CACNA2D3: variants seen among roughly 807,000 people sequenced by gnomAD.
CACNA2D3 encodes the protein voltage-dependent calcium channel subunit alpha-2/delta-3.
In CACNA2D3, 60 loss-of-function variants were observed where a neutral mutation model predicts 160.6. The observed-to-expected ratio is 0.37, with a 90% CI of 0.30 to 0.46. The LOEUF is 0.46. Ranked by LOEUF, CACNA2D3 falls within the 20% of genes least tolerant of loss-of-function variation. The pLI, the probability that CACNA2D3 is intolerant of heterozygous loss-of-function variation, is 1.00. For synonymous variants in CACNA2D3, 558 were observed against 492.9 expected, an observed-to-expected ratio of 1.13 and a Z score of -1.75; for missense variants, 1,205 against 1,365.0, an observed-to-expected ratio of 0.88 and a Z score of 1.85.
At chr3:55,044,689 C>T (rs540149711) in intron 35 of CACNA2D3, among the ~76,000 whole-genome samples, 33 of 152,044 alleles carry the variant, frequency 2.2e-4, no homozygotes, top group African/African-American at 7.7e-4. Context: ...TGGCCATGTT[C>T]CCAGTTTTAG....
chr3:54,718,558 ACT>A (rs1701107166), intron 11 of CACNA2D3, among the ~76,000 whole-genome samples: 1 of 150,724 alleles, frequency 6.6e-6, no homozygotes, highest in South Asian at 2.1e-4. Flanking sequence ...TTATGTTTGT[ACT>A]CTGTTTTAAT....
chr3:54,518,912 A>T (rs1008833945), intron 5 of CACNA2D3, among the ~76,000 whole-genome samples: 1 of 130,668 alleles, frequency 7.7e-6, no homozygotes, highest in Admixed American at 8.0e-5. Flanking sequence ...TTAGTAGCTA[A>T]TGTGAGGAAT....
chr3:54,212,526 G>A lies in CACNA2D3; in HGVS notation c.204+88932G>A, dbSNP rs565016055. ...TAGATGAAGCCTCTAAGTAGCAGGC[G>A]TCAGAGAGAATAGATTGTAAATGTT... On this transcript the variant is annotated intron_variant, in intron 2 of 37. Coordinates refer to ENST00000474759, the MANE Select transcript of CACNA2D3 (RefSeq NM_018398.3). Among the ~76,000 whole-genome samples, 501 of 152,278 alleles carry A rather than the reference G, an allele frequency of 3.3e-3. 1 individual carries two copies. The highest frequency in any genetic ancestry group is 0.011 in the African/African-American group (476 of 41,538).
intron 11 of CACNA2D3, among the ~76,000 whole-genome samples, chr3:54,744,971 C>G (rs992517262): frequency 2.0e-5 from 3 of 152,332 alleles, no homozygotes; most frequent in South Asian, 4.1e-4. Flanking sequence ...TTGAACCCAC[C>G]TGGAACAAAT....
At chr3:54,883,326 T>C (rs1699845525) in intron 21 of CACNA2D3, among the ~76,000 whole-genome samples, 1 of 152,194 alleles carries the variant, frequency 6.6e-6, no homozygotes, top group Non-Finnish European at 1.5e-5. Flanking sequence ...CTGGCCACTT[T>C]GTATCTTTTA....
At chr3:54,798,399 G>A (rs988070698) in intron 13 of CACNA2D3, among the ~76,000 whole-genome samples, 38 of 152,160 alleles carry the variant, frequency 2.5e-4, no homozygotes, top group African/African-American at 6.7e-4. Context: ...AGCCAGGCGC[G>A]TTGGCATGTA....
intron 25 of CACNA2D3, among the ~76,000 whole-genome samples, chr3:54,893,004 A>G (rs562213687): frequency 6.6e-6 from 1 of 152,338 alleles, no homozygotes; most frequent in African/African-American, 2.4e-5. Context: ...AGCTGGGCAC[A>G]GTGACTCATG....
chr3:54,233,557 C>CA lies in CACNA2D3; in HGVS notation c.205-86883dup, dbSNP rs1415502697. 2.0e-5 allele frequency among the ~76,000 whole-genome samples: 3 copies of CA among 152,342 alleles called. No homozygotes were observed. The East Asian group carries it at 5.8e-4, about 29-fold the overall frequency. Reference sequence around the variant, plus strand: ...CCTTCCACACCATTGGAAACACATCCAATGACATAGCACTGGTGAAGTGGC... The same window carrying CA: ...CCTTCCACACCATTGGAAACACATCCAAATGACATAGCACTGGTGAAGTGGC... On this transcript the variant is annotated intron_variant, in intron 2 of 37. Coordinates refer to ENST00000474759, the MANE Select transcript of CACNA2D3 (RefSeq NM_018398.3).
intron 26 of CACNA2D3, among the ~76,000 whole-genome samples, chr3:54,898,294 C>T (rs1251574245): frequency 2.0e-5 from 3 of 149,602 alleles, no homozygotes; most frequent in Non-Finnish European, 4.4e-5. Flanking sequence ...ATGATCTTGG[C>T]TCATTGCAAC....
At chr3:54,377,279 C>G (rs905728403) in intron 3 of CACNA2D3, among the ~76,000 whole-genome samples, 6 of 152,122 alleles carry the variant, frequency 3.9e-5, no homozygotes, top group Non-Finnish European at 1.5e-5. Flanking sequence ...TTCTGAAAAC[C>G]CGCCCTTAAG....
At chr3:54,288,952 C>T (rs1575371686) in intron 2 of CACNA2D3, among the ~76,000 whole-genome samples, 3 of 152,288 alleles carry the variant, frequency 2.0e-5, no homozygotes, top group East Asian at 1.9e-4. Context: ...GACAAACCCA[C>T]AGCCAATATC....
intron 11 of CACNA2D3, among the ~76,000 whole-genome samples, chr3:54,735,325 T>TA (rs1301959365): frequency 1.3e-5 from 2 of 152,174 alleles, no homozygotes; most frequent in Non-Finnish European, 2.9e-5. Context: ...ATATCTCAGA[T>TA]ACCCACAATC....
At chr3:54,891,498 G>A (rs376663594) in intron 25 of CACNA2D3, 48 bp downstream of exon 25, 658 of 1,365,702 alleles carry the variant, frequency 4.8e-4, no homozygotes, top group Non-Finnish European at 5.9e-4. Context: ...TTCTGAAATG[G>A]AACATTCAAA....
chr3:55,032,325 A>G (rs1703704207), intron 35 of CACNA2D3, among the ~76,000 whole-genome samples: 1 of 152,228 alleles, frequency 6.6e-6, no homozygotes, highest in Admixed American at 6.5e-5. Flanking sequence ...TCATCTCAAA[A>G]TCAGGGTTTG....
intron 9 of CACNA2D3, among the ~76,000 whole-genome samples, chr3:54,608,118 A>G (rs920043814): frequency 1.3e-5 from 2 of 152,178 alleles, no homozygotes; most frequent in African/African-American, 2.4e-5. Flanking sequence ...TTGTGATAAA[A>G]TTTCATAAAA....
chr3:54,605,485 C>A (rs948505131), intron 9 of CACNA2D3, among the ~76,000 whole-genome samples: 3 of 152,182 alleles, frequency 2.0e-5, no homozygotes, highest in Admixed American at 6.5e-5. Context: ...GGACTTGCCT[C>A]GAATGCTACC....
intron 9 of CACNA2D3, among the ~76,000 whole-genome samples, chr3:54,593,738 C>G (rs764554859): frequency 6.6e-5 from 10 of 152,022 alleles, no homozygotes; most frequent in Non-Finnish European, 1.5e-4. Context: ...TGTGCTTATC[C>G]CTTGATAAGC....
intron 31 of CACNA2D3, among the ~76,000 whole-genome samples, chr3:55,002,643 C>A (rs1237450089): frequency 6.6e-6 from 1 of 152,166 alleles, no homozygotes; most frequent in East Asian, 1.9e-4. Context: ...AAGCTTCTTG[C>A]CTGCATCTGT....
intron 13 of CACNA2D3, among the ~76,000 whole-genome samples, chr3:54,811,583 C>T (rs564548466): frequency 1.2e-4 from 18 of 148,426 alleles, no homozygotes; most frequent in Admixed American, 8.9e-4. Flanking sequence ...CTGCAACCTC[C>T]GCCTCCCAGG....
Sources: allele counts gnomAD v4.1 joint callset (sites outside exome capture counted in the v4.1 genomes callset), GRCh38; gene constraint gnomAD v4.1.1; transcripts MANE v1.5; gene names NCBI Gene and HGNC (gene_info 2026-07-23, HGNC 2026-07-21).